PDE4B: variants seen among roughly 807,000 people sequenced by gnomAD.
PDE4B encodes the protein 3',5'-cyclic-AMP phosphodiesterase 4B.
In PDE4B, 20 loss-of-function variants were observed where a neutral mutation model predicts 82.2. That is an observed-to-expected ratio of 0.24 (90% CI 0.17 to 0.35). The LOEUF is 0.35. Among genes scored for constraint, PDE4B ranks in the 10% least tolerant of loss-of-function variants. PDE4B has a pLI of 1.00. For synonymous variants in PDE4B, 320 were observed against 318.9 expected, an observed-to-expected ratio of 1.00 and a Z score of -0.04; for missense variants, 655 against 907.2, an observed-to-expected ratio of 0.72 and a Z score of 3.57.
chr1:65,953,354 G>A (rs1649097366), intron 3 of PDE4B, among the ~76,000 whole-genome samples: 1 of 152,094 alleles, frequency 6.6e-6, no homozygotes, highest in Non-Finnish European at 1.5e-5. Flanking sequence ...TACATTATGA[G>A]ATAAAGGGAC....
intron 3 of PDE4B, among the ~76,000 whole-genome samples, chr1:65,931,514 T>C (rs903410147): frequency 6.6e-6 from 1 of 152,196 alleles, no homozygotes. Context: ...AGAGTTAACA[T>C]ACAAAATCAG....
At chr1:66,266,935 C>T (rs1655091291) in intron 7 of PDE4B, 1 of 229,906 alleles carries the variant, frequency 4.3e-6, no homozygotes, top group Non-Finnish European at 9.0e-6. Context: ...CTAACGATGC[C>T]TCACATGCTT....
At chr1:66,064,407 C>T (rs1655735412) in intron 3 of PDE4B, among the ~76,000 whole-genome samples, 1 of 151,742 alleles carries the variant, frequency 6.6e-6, no homozygotes, top group African/African-American at 2.4e-5. Flanking sequence ...AAGTCACTAG[C>T]TGTTCTGCAC....
chr1:65,888,735 T>G (rs1646819875), intron 1 of PDE4B, among the ~76,000 whole-genome samples: 3 of 152,134 alleles, frequency 2.0e-5, no homozygotes, highest in Admixed American at 1.3e-4. Flanking sequence ...CCTTCTTGAT[T>G]TCTTTCTCAA....
chr1:66,001,787 A>G (rs1157469192), intron 3 of PDE4B, among the ~76,000 whole-genome samples: 1 of 152,044 alleles, frequency 6.6e-6, no homozygotes, highest in African/African-American at 2.4e-5. Flanking sequence ...CAGTGGCATG[A>G]TCTTGGCTTA....
At chr1:66,206,164 C>G (rs546813589) in intron 3 of PDE4B, among the ~76,000 whole-genome samples, 1 of 152,320 alleles carries the variant, frequency 6.6e-6, no homozygotes, top group African/African-American at 2.4e-5. Flanking sequence ...TAGGCACTCT[C>G]GGACCTGGAT....
At chr1:66,368,421 G>A (rs1663410154) in intron 15 of PDE4B, among the ~76,000 whole-genome samples, 1 of 152,212 alleles carries the variant, frequency 6.6e-6, no homozygotes, top group Non-Finnish European at 1.5e-5. Context: ...GCCATCAGCT[G>A]TTCTCCTCTT....
chr1:66,022,341 C>CCA (rs1267150243), intron 3 of PDE4B, among the ~76,000 whole-genome samples: 1 of 151,740 alleles, frequency 6.6e-6, no homozygotes, highest in Non-Finnish European at 1.5e-5. Context: ...ACTTCCAACA[C>CCA]TGTTGAATAG....
At chr1:66,150,310 A>G (rs570810177) in intron 3 of PDE4B, among the ~76,000 whole-genome samples, 1 of 152,320 alleles carries the variant, frequency 6.6e-6, no homozygotes, top group South Asian at 2.1e-4. Context: ...CAGGCATTGC[A>G]CTGGCTCTGA....
chr1:66,268,667 CAAAAAAAAAAA>C (rs36046564), intron 7 of PDE4B, among the ~76,000 whole-genome samples: 1 of 61,226 alleles, frequency 1.6e-5, no homozygotes, highest in East Asian at 5.3e-4. Context: ...GACTCCATCT[CAAAAAAAAAAA>C]AAAAAAAAAA....
chr1:65,838,574 T>C (rs1309994524), intron 1 of PDE4B, among the ~76,000 whole-genome samples: 1 of 147,786 alleles, frequency 6.8e-6, no homozygotes, highest in Non-Finnish European at 1.5e-5. Context: ...TGTATATATG[T>C]ATATGTGTAT....
chr1:65,919,253 T>A (rs1647197472), intron 3 of PDE4B, among the ~76,000 whole-genome samples: 1 of 152,230 alleles, frequency 6.6e-6, no homozygotes, highest in Non-Finnish European at 1.5e-5. Context: ...TTTATTATCA[T>A]CCTACTTTAT....
intron 8 of PDE4B, chr1:66,354,335 G>A (rs1662063083): frequency 1.1e-6 from 1 of 943,526 alleles, no homozygotes. Flanking sequence ...TGAAATGGGG[G>A]AGGGTACTGA....
intron 3 of PDE4B, among the ~76,000 whole-genome samples, chr1:66,212,522 C>A (rs1650136679): frequency 1.3e-5 from 2 of 152,172 alleles, no homozygotes; most frequent in Non-Finnish European, 2.9e-5. Flanking sequence ...AACTCCTGAT[C>A]TACACTACTC....
At chr1:66,108,886 A>C (rs1333226635) in intron 3 of PDE4B, among the ~76,000 whole-genome samples, 1 of 151,980 alleles carries the variant, frequency 6.6e-6, no homozygotes, top group Non-Finnish European at 1.5e-5. Context: ...TTTCCAATGA[A>C]ATTAAATTTC....
At chr1:66,262,394 A>C (rs538494611) in intron 6 of PDE4B, among the ~76,000 whole-genome samples, 2 of 151,514 alleles carry the variant, frequency 1.3e-5, no homozygotes, top group African/African-American at 4.9e-5. Flanking sequence ...CCCAAGGGCT[A>C]TACAGTGGGA....
At chr1:66,111,920 G>A (rs1645495372) in intron 3 of PDE4B, among the ~76,000 whole-genome samples, 1 of 152,068 alleles carries the variant, frequency 6.6e-6, no homozygotes, top group Non-Finnish European at 1.5e-5. Flanking sequence ...ATGGTACCAG[G>A]TTCTTTGGCA....
intron 3 of PDE4B, among the ~76,000 whole-genome samples, chr1:66,115,547 A>G (rs1377885257): frequency 6.6e-6 from 1 of 152,230 alleles, no homozygotes; most frequent in African/African-American, 2.4e-5. Flanking sequence ...AGTTAATCAG[A>G]CCCTAGGAAA....
chr1:65,976,480 ACT>A (rs1203820121), intron 3 of PDE4B, among the ~76,000 whole-genome samples: 3 of 151,898 alleles, frequency 2.0e-5, no homozygotes, highest in Non-Finnish European at 4.4e-5. Flanking sequence ...ATGAGTTAAG[ACT>A]CTGTGGGACT....
Sources: gnomAD v4.1 joint callset for allele counts (sites outside exome capture counted in the v4.1 genomes callset) on GRCh38, gnomAD v4.1.1 for gene constraint, MANE v1.5 for transcripts, NCBI Gene and HGNC (gene_info 2026-07-23, HGNC 2026-07-21) for gene names.